The following MPG variants were observed in gnomAD, a reference collection of about 807,000 sequenced individuals.
MPG encodes the protein DNA-3-methyladenine glycosylase.
In MPG, 33 loss-of-function variants were observed where a neutral mutation model predicts 31.7. That is an observed-to-expected ratio of 1.04 (90% CI 0.79 to 1.39). The LOEUF is 1.39. Among genes scored for constraint, MPG ranks in the 40% most tolerant of loss-of-function variants. The probability of loss-of-function intolerance (pLI) is 0.00; values close to 1 mark genes in which losing one functional copy is unlikely to be tolerated. For synonymous variants in MPG, 202 were observed against 169.2 expected, an observed-to-expected ratio of 1.19 and a Z score of -1.51; for missense variants, 455 against 415.5, an observed-to-expected ratio of 1.10 and a Z score of -0.83.
Position 79,486 on chromosome 16 carries a change from CGTCCGACGCA to C in MPG, c.88_97del (p.Ser30ProfsTer70). 3 of 1,612,822 alleles carry C rather than the reference CGTCCGACGCA, an allele frequency of 1.9e-6. No homozygotes were observed. The highest frequency in any genetic ancestry group is 2.5e-6 in the Non-Finnish European group (3 of 1,179,808). ...GCTAGAGCAGGGCAGCCACACAGCTCGTCCGACGCAGCCCAGGCACCTGCAGAGCAGCCAC... is the reference window on the plus strand; with the variant it reads ...GCTAGAGCAGGGCAGCCACACAGCTCGCCCAGGCACCTGCAGAGCAGCCAC... On this transcript the variant is annotated frameshift_variant, in exon 2 of 4. Coordinates refer to ENST00000356432, the MANE Select transcript of MPG (RefSeq NM_001015052.3). LOFTEE classifies it high-confidence loss of function.
At position 83,046 on chromosome 16, in the gene MPG, C is replaced by CCA. The variant is rs750022557; in HGVS notation, c.301-3_301-2dup. The CCA allele has an allele frequency of 2.0e-5, 31 of 1,586,690 alleles. No homozygotes were observed. The highest frequency in any genetic ancestry group is 2.5e-5 in the Non-Finnish European group (29 of 1,164,114). On this transcript the variant is annotated splice_polypyrimidine_tract_variant and splice_region_variant and intron_variant, in intron 2 of 3. Transcript: ENST00000356432. ...CCCGCCCTGAGCAGAAACTGACTGC[C>CCA]CACAGGTCCTAGTCCGGCGACTTCC... is the stretch of plus-strand genomic sequence containing the variant.
At position 83,740 on chromosome 16, in the gene MPG, C is replaced by CAAA. The variant is rs55674146; in HGVS notation, c.505+497_505+499dup. Among the ~76,000 whole-genome samples, 448 of 99,438 alleles carry CAAA rather than the reference C, an allele frequency of 4.5e-3. 10 individuals are homozygous for CAAA. The East Asian group carries it at 0.086, about 19-fold the overall frequency. 65.2% of individuals were successfully genotyped at this position (99,438 alleles called of 152,430 possible). A position where few individuals can be genotyped will look rare whatever the true frequency, so the allele number is the denominator to read the frequency against. Reference sequence around the variant, plus strand: ...TGGGTGACAGAGCGAGACTCCATCTCAAAAAAAAAAAAAAAGGAAAGGAAA... The same window carrying CAAA: ...TGGGTGACAGAGCGAGACTCCATCTCAAAAAAAAAAAAAAAAAAGGAAAGGAAA... On this transcript the variant is annotated intron_variant, in intron 3 of 3. Transcript: ENST00000356432.
intron 1 of MPG, 22 bp from the exon 2 acceptor site, chr16:79,399 CTTAT>C (rs560790422): frequency 6.1e-5 from 98 of 1,613,602 alleles, no homozygotes; most frequent in East Asian, 2.4e-4. Context: ...TATTCGGATG[CTTAT>C]TTATTTTTTT....
At chr16:78,465 CAG>C in intron 1 of MPG, 132 bp downstream of exon 1, 2 of 821,572 alleles carry the variant, frequency 2.4e-6, no homozygotes, top group Non-Finnish European at 3.1e-6. Flanking sequence ...GGGGCAGAGC[CAG>C]AGCATAGGCC....
At position 83,393 on chromosome 16, in the gene MPG, C is replaced by T. The variant is rs534166983; in HGVS notation, c.505+137C>T. 44 of 889,582 alleles carry T rather than the reference C, an allele frequency of 4.9e-5. No individual in the cohort carries two copies. The African/African-American group carries it at 5.2e-4, about 10-fold the overall frequency. 55.1% of individuals were successfully genotyped at this position (889,582 alleles called of 1,614,324 possible). A position where few individuals can be genotyped will look rare whatever the true frequency, so the allele number is the denominator to read the frequency against. On this transcript the variant is annotated intron_variant, in intron 3 of 3. Coordinates refer to ENST00000356432, the MANE Select transcript of MPG (RefSeq NM_001015052.3). The stretch of plus-strand genomic sequence containing the variant: ...CCACTTCCAGGCCAGGCCAGGGTTT[C>T]GGGAGCTCTGGCTACGCTGACGGGG...
In MPG at chr16:82,230, G is replaced by A. The variant is rs3176412; in HGVS notation, c.301-822G>A. On this transcript the variant is annotated intron_variant, in intron 2 of 3. Transcript: ENST00000356432. The stretch of plus-strand genomic sequence containing the variant: ...CCCTTCTTCCCACCACCCTATCTCC[G>A]GGAAGCCCTCCTGAATGCTCCCCCG... Among the ~76,000 whole-genome samples, 4 of 146,708 alleles carry A rather than the reference G, an allele frequency of 2.7e-5. 1 individual carries two copies. Among genetic ancestry groups the A allele is most frequent in the East Asian group, 2.0e-4 (1 of 4,950 alleles).
chr16:85,836 T>C lies in MPG; in HGVS notation c.*59T>C. 7.0e-7 allele frequency: 1 copy of C among 1,423,680 alleles called. No homozygotes were observed. Among genetic ancestry groups the C allele is most frequent in the Non-Finnish European group, 9.2e-7 (1 of 1,086,478 alleles). 88.2% of individuals were successfully genotyped at this position (1,423,680 alleles called of 1,614,324 possible). ...GTTTAAAAACCGAATAAATGTTTTA[T>C]TTCTAGAAAACTGTGCCTTAGCCAG... On this transcript the variant is annotated 3_prime_UTR_variant, in exon 4 of 4. Coordinates refer to ENST00000356432, the MANE Select transcript of MPG (RefSeq NM_001015052.3).
chr16:80,295 A>C (rs958418658), intron 2 of MPG, among the ~76,000 whole-genome samples: 1 of 152,202 alleles, frequency 6.6e-6, no homozygotes, highest in Non-Finnish European at 1.5e-5. Flanking sequence ...TCGATGCCAA[A>C]GCCCCAGGCC....
At chr16:79,265 G>A in intron 1 of MPG, 160 bp from the exon 2 acceptor site, 1 of 1,557,370 alleles carries the variant, frequency 6.4e-7, no homozygotes, top group Non-Finnish European at 8.7e-7. Context: ...GTGTGTCAGG[G>A]TGTTTGTGCC....
At chr16:78,195 T>C, upstream of MPG, 6 of 990,200 alleles carry the variant, frequency 6.1e-6, no homozygotes, top group South Asian at 2.6e-5. Context: ...CCGGCTTCCG[T>C]CCCCTTCTGC....
At chr16:85,171 G>A (rs532766474) in intron 3 of MPG, among the ~76,000 whole-genome samples, 1 of 152,364 alleles carries the variant, frequency 6.6e-6, no homozygotes, top group Admixed American at 6.5e-5. Context: ...CACACCTCAT[G>A]GTGCAGGCTT....
rs756164928 is a variant in MPG at position 79,652 on chromosome 16, G to A, written c.252G>A (p.Glu84=). The change falls in exon 2 of 4, where the codon GAG becomes GAA. Residue 84 remains glutamate (E), a synonymous_variant. Coordinates refer to ENST00000356432, the MANE Select transcript of MPG (RefSeq NM_001015052.3). The part of the protein sequence containing the change: ...PKGHLTRLGL[E]FFDQPAVPLA... ...GCCACCTTACCCGACTGGGGTTGGAGTTCTTCGACCAGCCGGCAGTCCCCC... is the reference window on the plus strand; with the variant it reads ...GCCACCTTACCCGACTGGGGTTGGAATTCTTCGACCAGCCGGCAGTCCCCC... 6.1e-5 allele frequency: 96 copies of A among 1,574,598 alleles called. 1 individual carries two copies. Among genetic ancestry groups the A allele is most frequent in the Non-Finnish European group, 8.1e-5 (94 of 1,159,130 alleles).
intron 3 of MPG, among the ~76,000 whole-genome samples, chr16:84,002 T>C (rs1380779578): frequency 3.3e-5 from 5 of 152,102 alleles, no homozygotes; most frequent in Admixed American, 1.3e-4. Flanking sequence ...AAAGGGGTCA[T>C]GTTTTTGTCA....
intron 1 of MPG, 194 bp from the exon 2 acceptor site, chr16:79,231 C>T (rs557220617): frequency 2.3e-5 from 35 of 1,552,056 alleles, no homozygotes; most frequent in Admixed American, 5.9e-5. Context: ...CATCGTCAGA[C>T]GTGATCATTT....
At chr16:77,893 G>C (rs575884843), upstream of MPG, among the ~76,000 whole-genome samples, 1 of 152,042 alleles carries the variant, frequency 6.6e-6, no homozygotes, top group Non-Finnish European at 1.5e-5. Context: ...GGTTCACGAC[G>C]GGCCCGTCCT....
intron 1 of MPG, chr16:79,219 T>A: frequency 1.9e-6 from 3 of 1,550,820 alleles, no homozygotes; most frequent in Non-Finnish European, 2.6e-6. Context: ...GCAGCAGCCG[T>A]CCATCGTCAG....
chr16:84,913 G>T (rs1470197538), intron 3 of MPG, among the ~76,000 whole-genome samples: 1 of 152,186 alleles, frequency 6.6e-6, no homozygotes, highest in African/African-American at 2.4e-5. Flanking sequence ...GGCAGAAGGG[G>T]AGCGCTGGGG....
Position 78,344 on chromosome 16 carries a change from G to A in MPG, c.24+11G>A, listed in dbSNP as rs529266938. ...CGCAGCGGGGCCCAGGTGAGCGCGC[G>A]CCTCGGCCGCCCCGCGGAACAGACG... On this transcript the variant is annotated intron_variant, in intron 1 of 3. Transcript: ENST00000356432. The A allele has an allele frequency of 1.0e-5, 13 of 1,243,460 alleles. No individual in the cohort carries two copies. In the South Asian group the frequency reaches 2.9e-4, roughly 28 times the overall value. 77.0% of individuals were successfully genotyped at this position (1,243,460 alleles called of 1,614,324 possible). A position where few individuals can be genotyped will look rare whatever the true frequency, so the allele number is the denominator to read the frequency against.
At position 79,696 on chromosome 16, in the gene MPG, G is replaced by A; in HGVS notation, c.296G>A (p.Gly99Glu). Residue 99 changes from glycine (G) to glutamate (E), a missense_variant, in exon 2 of 4, where the codon GGA (glycine) becomes GAA (glutamate). Gly to Glu is a moderately conservative substitution (Grantham distance 98). Coordinates refer to ENST00000356432, the MANE Select transcript of MPG (RefSeq NM_001015052.3). Reference protein sequence around the residue: ...PAVPLARAFLGQVLVRRLPNG... With the variant: ...PAVPLARAFLEQVLVRRLPNG... ...GTCCCCCTGGCCCGGGCATTTCTGG[G>A]ACAGGTAATGTGAACATAGCAGCGA... 13 of 1,557,148 alleles carry A rather than the reference G, an allele frequency of 8.3e-6. No homozygotes were observed. The highest frequency in any genetic ancestry group is 1.2e-5 in the South Asian group (1 of 85,358).
Sources: gnomAD v4.1 joint callset for allele counts (sites outside exome capture counted in the v4.1 genomes callset) on GRCh38, gnomAD v4.1.1 for gene constraint, MANE v1.5 for transcripts, NCBI Gene and HGNC (gene_info 2026-07-23, HGNC 2026-07-21) for gene names.